The following PRDM1 variants were observed in gnomAD, a reference collection of about 807,000 sequenced individuals.
PRDM1 encodes the protein PR domain zinc finger protein 1.
A neutral mutation model predicts 62.8 loss-of-function variants in PRDM1; 13 were observed. That is an observed-to-expected ratio of 0.21 (90% CI 0.13 to 0.33). The LOEUF (loss-of-function observed/expected upper bound fraction) is 0.33. PRDM1 is among the 10% of genes least tolerant of loss of function. PRDM1 has a pLI of 1.00. For missense variants in PRDM1, 895 were observed against 1,058.8 expected (o/e 0.85, Z 2.15); for synonymous variants, 396 against 417.6 (o/e 0.95, Z 0.63).
chr6:106,012,167 ACAC>A (rs1473871076), intron 1 of PRDM1, among the ~76,000 whole-genome samples: 1 of 143,268 alleles, frequency 7.0e-6, no homozygotes, highest in Admixed American at 7.0e-5. Flanking sequence ...ACATTCACAC[ACAC>A]CACACTACAC....
intron 2 of PRDM1, among the ~76,000 whole-genome samples, chr6:106,092,967 T>C (rs1459046481): frequency 6.6e-6 from 1 of 152,236 alleles, no homozygotes; most frequent in Non-Finnish European, 1.5e-5. Context: ...AAATTTAAAA[T>C]ATTAGGGCGC....
intron 1 of PRDM1, among the ~76,000 whole-genome samples, chr6:106,062,651 C>T (rs1291237921): frequency 6.6e-6 from 1 of 152,182 alleles, no homozygotes; most frequent in Non-Finnish European, 1.5e-5. Flanking sequence ...GCTTTCAAAG[C>T]GTTTTCCAAC....
Position 106,086,609 on chromosome 6 carries a change from ATTTTT to A in PRDM1, c.42+22_42+26del. On this transcript the variant is annotated intron_variant, in intron 1 of 6. Transcript: ENST00000369096. ...GGTACGACCTTGGTAAGGAACTTGA[ATTTTT>A]TTTTTTTAATTCTGAAATTGATCTG... 8.1e-7 allele frequency: 1 copy of A among 1,240,190 alleles called. No individual in the cohort carries two copies. The highest frequency in any genetic ancestry group is 1.1e-6 in the Non-Finnish European group (1 of 917,364). 76.8% of individuals were successfully genotyped at this position (1,240,190 alleles called of 1,614,324 possible).
At chr6:106,083,383 A>G (rs1773728014), upstream of PRDM1, among the ~76,000 whole-genome samples, 1 of 151,774 alleles carries the variant, frequency 6.6e-6, no homozygotes, top group Admixed American at 6.6e-5. Context: ...TTACCTTAGG[A>G]AAAAAAAGTT....
intron 1 of PRDM1, among the ~76,000 whole-genome samples, chr6:106,070,996 T>G (rs995876759): frequency 6.6e-6 from 1 of 152,228 alleles, no homozygotes; most frequent in African/African-American, 2.4e-5. Context: ...ATTGGCCTGA[T>G]GCAGTAGCTC....
intron 1 of PRDM1, among the ~76,000 whole-genome samples, chr6:105,995,326 T>C (rs923255259): frequency 2.0e-5 from 3 of 152,226 alleles, no homozygotes; most frequent in Non-Finnish European, 4.4e-5. Context: ...AGGCTTTTTT[T>C]CTTTTCTTTT....
rs1305494882 is a variant in PRDM1 at position 106,016,690 on chromosome 6, C to A, written c.-67+23051C>A. Among the ~76,000 whole-genome samples the A allele has an allele frequency of 2.7e-5, 4 of 150,092 alleles. No homozygotes were observed. The East Asian group carries it at 7.8e-4, about 29-fold the overall frequency. The stretch of plus-strand genomic sequence containing the variant: ...TTGAGACAAAGTCTCGCTCTGTCAC[C>A]CAGGCTGGAGTGCAGTGGCGCAATA... On this transcript the variant is annotated intron_variant, in intron 1 of 6. Transcript: ENST00000652320.
At chr6:106,048,216 C>CA (rs71006668), upstream of PRDM1, among the ~76,000 whole-genome samples, 24,613 of 110,100 alleles carry the variant, frequency 0.22, 4,350 homozygotes, top group African/African-American at 0.51. Flanking sequence ...CCATCTCTAC[C>CA]AAAAAAAAAA....
intron 1 of PRDM1, among the ~76,000 whole-genome samples, chr6:106,072,698 G>T (rs1162685934): frequency 2.6e-5 from 4 of 152,214 alleles, no homozygotes; most frequent in Admixed American, 1.3e-4. Flanking sequence ...TTGGGGAGCT[G>T]CAGGGCAACC....
chr6:106,015,487 TG>T (rs1032838992), intron 1 of PRDM1, among the ~76,000 whole-genome samples: 2 of 152,016 alleles, frequency 1.3e-5, no homozygotes, highest in African/African-American at 4.8e-5. Flanking sequence ...TGCCACCTTT[TG>T]TATGAGAAAG....
chr6:105,999,880 G>A (rs575274010), intron 1 of PRDM1, among the ~76,000 whole-genome samples: 1 of 152,202 alleles, frequency 6.6e-6, no homozygotes, highest in East Asian at 1.9e-4. Context: ...TTGAGACGGA[G>A]TCTTGCTCTG....
chr6:106,045,509 A>G (rs1582436928), upstream of PRDM1: 1 of 152,262 alleles, frequency 6.6e-6, no homozygotes, highest in African/African-American at 2.4e-5. Context: ...CAGATGATCA[A>G]CAAAGGCAAA....
chr6:106,088,691 A>T (rs769777753), intron 2 of PRDM1, among the ~76,000 whole-genome samples: 3 of 152,194 alleles, frequency 2.0e-5, no homozygotes, highest in Non-Finnish European at 4.4e-5. Flanking sequence ...GCAAATTGGC[A>T]TGTCTTAGAA....
chr6:106,028,152 C>T (rs138368153), intron 1 of PRDM1, among the ~76,000 whole-genome samples: 1 of 152,306 alleles, frequency 6.6e-6, no homozygotes, highest in East Asian at 1.9e-4. Context: ...TGTGGCTGAT[C>T]TGCCATTTCA....
At chr6:106,065,921 C>T (rs2114596755) in intron 1 of PRDM1, among the ~76,000 whole-genome samples, 1 of 152,316 alleles carries the variant, frequency 6.6e-6, no homozygotes, top group South Asian at 2.1e-4. Context: ...TTATGGTTTA[C>T]ATACAGTAAT....
chr6:106,050,732 A>G (rs1444937613), intron 1 of PRDM1, among the ~76,000 whole-genome samples: 1 of 152,206 alleles, frequency 6.6e-6, no homozygotes, highest in Non-Finnish European at 1.5e-5. Flanking sequence ...CGTATTTTGT[A>G]ACAGTCAGTA....
At chr6:106,085,843 A>G (rs1773787034), upstream of PRDM1, among the ~76,000 whole-genome samples, 1 of 120,610 alleles carries the variant, frequency 8.3e-6, no homozygotes, top group African/African-American at 3.2e-5. Context: ...ACGGAATGTT[A>G]CAACTTTTGG....
Position 106,088,437 on chromosome 6 carries a change from C to A in PRDM1, c.279C>A (p.Thr93=), listed in dbSNP as rs2114618350. Residue 93 remains threonine (T), a synonymous_variant, in exon 2 of 7, where the codon ACC becomes ACA. Coordinates refer to ENST00000369096, the MANE Select transcript of PRDM1 (RefSeq NM_001198.4). ...LPRNLLFKYA[T]NSEEVIGVMS... is the part of the protein sequence containing the mutation. The stretch of plus-strand genomic sequence containing the variant: ...GGAATCTGCTTTTCAAGTATGCCAC[C>A]AACAGTGAAGAGGTAAGCCTCTGGT... The A allele has an allele frequency of 6.2e-7, 1 of 1,614,192 alleles. No individual in the cohort carries two copies. Among genetic ancestry groups the A allele is most frequent in the Non-Finnish European group, 8.5e-7 (1 of 1,180,042 alleles).
chr6:106,099,179 T>C, intron 3 of PRDM1, 121 bp from the exon 4 acceptor site: 1 of 1,603,326 alleles, frequency 6.2e-7, no homozygotes, highest in Non-Finnish European at 8.5e-7. Flanking sequence ...TTGGATTCTT[T>C]TTCTAACTAG....
Sources: allele counts gnomAD v4.1 joint callset (sites outside exome capture counted in the v4.1 genomes callset), GRCh38; gene constraint gnomAD v4.1.1; transcripts MANE v1.5; gene names NCBI Gene and HGNC (gene_info 2026-07-23, HGNC 2026-07-21).